Variants in RAPGEF6 observed in about 807,000 individuals in gnomAD.
The protein encoded by RAPGEF6 is Rap guanine nucleotide exchange factor 6.
In RAPGEF6, 56 loss-of-function variants were observed where a neutral mutation model predicts 171.4. The ratio of observed to expected loss-of-function variants is 0.33; its 90% CI spans 0.26 to 0.41. The LOEUF is 0.41. Among genes scored for constraint, RAPGEF6 ranks in the 10% least tolerant of loss-of-function variants. The pLI, the probability that RAPGEF6 is intolerant of heterozygous loss-of-function variation, is 1.00. For synonymous variants in RAPGEF6, 692 were observed against 650.1 expected, an observed-to-expected ratio of 1.06 and a Z score of -0.98; for missense variants, 1,674 against 1,921.4, an observed-to-expected ratio of 0.87 and a Z score of 2.41.
intron 19 of RAPGEF6, among the ~76,000 whole-genome samples, chr5:131,460,933 C>T (rs1355545316): frequency 1.3e-5 from 2 of 152,138 alleles, no homozygotes; most frequent in South Asian, 2.1e-4. Context: ...AATTATGCTG[C>T]GATTTATAAG....
intron 4 of RAPGEF6, among the ~76,000 whole-genome samples, chr5:131,569,018 A>G (rs1335006225): frequency 6.6e-6 from 1 of 152,236 alleles, no homozygotes; most frequent in Non-Finnish European, 1.5e-5. Flanking sequence ...TTTGGAAATG[A>G]TTTAACAAAA....
chr5:131,511,948 G>A (rs541094610), intron 7 of RAPGEF6, among the ~76,000 whole-genome samples: 2 of 152,292 alleles, frequency 1.3e-5, no homozygotes, highest in East Asian at 3.9e-4. Context: ...TGGAAGCAGA[G>A]CATCCTTTCT....
chr5:131,622,688 AATCCAGGTCTC>A (rs1765663580), intron 1 of RAPGEF6, among the ~76,000 whole-genome samples: 1 of 152,220 alleles, frequency 6.6e-6, no homozygotes, highest in South Asian at 2.1e-4. Context: ...TCATCCAGAT[AATCCAGGTCTC>A]ATCCAGATCT....
At chr5:131,580,236 G>A (rs2149990674) in intron 4 of RAPGEF6, among the ~76,000 whole-genome samples, 1 of 152,308 alleles carries the variant, frequency 6.6e-6, no homozygotes, top group South Asian at 2.1e-4. Flanking sequence ...GGCCGGCAGT[G>A]CTGGGGGAAC....
chr5:131,457,810 T>C (rs1041509772), intron 19 of RAPGEF6, among the ~76,000 whole-genome samples: 1 of 152,132 alleles, frequency 6.6e-6, no homozygotes, highest in Non-Finnish European at 1.5e-5. Flanking sequence ...TGGTATCATT[T>C]AATATGAAGC....
rs186939340 is a variant in RAPGEF6 at position 131,539,569 on chromosome 5, A to G, written c.495+8478T>C. ...TTACTACAGGAATGGCTTGATGAAT[A>G]AGACACACATACACACACACTCCAT... On this transcript the variant is annotated intron_variant, in intron 6 of 27. Transcript: ENST00000509018. 4.2e-3 allele frequency among the ~76,000 whole-genome samples: 643 copies of G among 152,312 alleles called. 3 individuals are homozygous for G. The highest frequency in any genetic ancestry group is 0.02 in the Middle Eastern group (6 of 294).
chr5:131,509,092 GA>G (rs1311856674), intron 8 of RAPGEF6, among the ~76,000 whole-genome samples: 1 of 151,946 alleles, frequency 6.6e-6, no homozygotes, highest in Non-Finnish European at 1.5e-5. Flanking sequence ...TGCAATCTAA[GA>G]AAAAAATCTT....
chr5:131,622,131 C>G (rs978913155), intron 1 of RAPGEF6, among the ~76,000 whole-genome samples: 2 of 152,040 alleles, frequency 1.3e-5, no homozygotes, highest in African/African-American at 2.4e-5. Context: ...TTTAATAATC[C>G]TATAAATAAT....
chr5:131,510,761 G>A (rs2149895359), intron 7 of RAPGEF6, among the ~76,000 whole-genome samples: 1 of 152,238 alleles, frequency 6.6e-6, no homozygotes. Flanking sequence ...ATCACTAAAT[G>A]TATTAATATC....
chr5:131,537,515 A>T (rs969862344), intron 6 of RAPGEF6, among the ~76,000 whole-genome samples: 11 of 150,094 alleles, frequency 7.3e-5, no homozygotes, highest in Admixed American at 2.6e-4. Context: ...TTTTTCCCTA[A>T]AAGTTGTTTG....
intron 5 of RAPGEF6, among the ~76,000 whole-genome samples, chr5:131,548,579 T>C (rs778298156): frequency 1.2e-4 from 19 of 152,256 alleles, no homozygotes; most frequent in Non-Finnish European, 2.2e-4. Flanking sequence ...TTTTAGTTAA[T>C]TGTTAAAAAG....
At position 131,635,164 on chromosome 5, in the gene RAPGEF6, G is replaced by A. The variant is rs531779840; in HGVS notation, c.-134C>T. On this transcript the variant is annotated 5_prime_UTR_variant, in exon 1 of 28. Transcript: ENST00000509018. ...GCGCCGTAACAAGGTCCGAACTCTA[G>A]CAAACAACCCTTCGCAACGCCCGCC... 12 of 926,432 alleles carry A rather than the reference G, an allele frequency of 1.3e-5. No homozygotes were observed. The East Asian group carries it at 2.5e-4, about 19-fold the overall frequency. The allele number at this position is 926,432 out of a possible 1,614,324, so 57.4% of individuals were successfully genotyped here. A position where few individuals can be genotyped will look rare whatever the true frequency, so the allele number is the denominator to read the frequency against.
At chr5:131,543,024 C>T (rs905270350) in intron 6 of RAPGEF6, among the ~76,000 whole-genome samples, 1 of 152,154 alleles carries the variant, frequency 6.6e-6, no homozygotes, top group African/African-American at 2.4e-5. Flanking sequence ...ATGGCACAGA[C>T]ATAAAATATT....
chr5:131,456,634 T>C (rs1753524271), intron 19 of RAPGEF6, among the ~76,000 whole-genome samples: 1 of 152,208 alleles, frequency 6.6e-6, no homozygotes, highest in African/African-American at 2.4e-5. Context: ...TTATGAATCC[T>C]TTACCTCTAC....
chr5:131,496,157 A>G (rs1756625362), intron 12 of RAPGEF6, among the ~76,000 whole-genome samples: 1 of 152,166 alleles, frequency 6.6e-6, no homozygotes, highest in South Asian at 2.1e-4. Context: ...GCCTGGGCAT[A>G]GCAAAACCCT....
At chr5:131,543,326 T>C (rs562629538) in intron 6 of RAPGEF6, among the ~76,000 whole-genome samples, 1 of 152,302 alleles carries the variant, frequency 6.6e-6, no homozygotes, top group Admixed American at 6.5e-5. Context: ...AGTAGATATC[T>C]TCTGATAAAG....
At chr5:131,464,733 T>G (rs1285719965) in intron 17 of RAPGEF6, among the ~76,000 whole-genome samples, 1 of 152,326 alleles carries the variant, frequency 6.6e-6, no homozygotes, top group African/African-American at 2.4e-5. Flanking sequence ...CTGTCAAAAG[T>G]AAGTAAGCCT....
At chr5:131,483,135 G>A (rs1755603715) in intron 15 of RAPGEF6, among the ~76,000 whole-genome samples, 1 of 152,012 alleles carries the variant, frequency 6.6e-6, no homozygotes, top group East Asian at 1.9e-4. Context: ...GATCACCTGA[G>A]GTCAGGAGTT....
At chr5:131,465,154 A>G (rs914791106) in intron 17 of RAPGEF6, among the ~76,000 whole-genome samples, 1 of 152,160 alleles carries the variant, frequency 6.6e-6, no homozygotes, top group Non-Finnish European at 1.5e-5. Context: ...GGAAAATGTT[A>G]GTTTCCATAT....
Sources: gnomAD v4.1 joint callset for allele counts (sites outside exome capture counted in the v4.1 genomes callset) on GRCh38, gnomAD v4.1.1 for gene constraint, MANE v1.5 for transcripts, NCBI Gene and HGNC (gene_info 2026-07-23, HGNC 2026-07-21) for gene names.